Variants in ATRX observed in about 807,000 individuals in gnomAD.
ATRX encodes the protein ATRX chromatin remodeler, also known as chromatin remodeler ATRX.
ATRX carries 12 observed loss-of-function variants against 172.6 expected under a neutral mutation model. That is an observed-to-expected ratio of 0.07 (90% CI 0.04 to 0.11). ATRX has a LOEUF of 0.11. Ranked by LOEUF, ATRX falls within the 10% of genes least tolerant of loss-of-function variation. The pLI, the probability that ATRX is intolerant of heterozygous loss-of-function variation, is 1.00. For synonymous variants in ATRX, 674 were observed against 594.7 expected, an observed-to-expected ratio of 1.13 and a Z score of -1.94; for missense variants, 1,368 against 1,767.4, an observed-to-expected ratio of 0.77 and a Z score of 4.05.
chrX:77,739,364 C>A (rs868969475), intron 1 of ATRX, among the ~76,000 whole-genome samples: 2 of 108,373 alleles, frequency 1.8e-5, no homozygotes, highest in Middle Eastern at 4.8e-3. Flanking sequence ...TATATATAAT[C>A]AGATATATAT....
chrX:77,688,140 T>A (rs190392058), intron 7 of ATRX, among the ~76,000 whole-genome samples: 7 of 110,444 alleles, frequency 6.3e-5, no homozygotes, highest in Admixed American at 5.8e-4. Flanking sequence ...GGTTTCACCA[T>A]GTTAGCCAGG....
chrX:77,733,628 G>A (rs1024894786), intron 1 of ATRX, among the ~76,000 whole-genome samples: 3 of 104,631 alleles, frequency 2.9e-5, no homozygotes, highest in Non-Finnish European at 5.8e-5. Flanking sequence ...CAGAACTTTG[G>A]AAGGCTAAAG....
intron 30 of ATRX, among the ~76,000 whole-genome samples, chrX:77,544,426 T>G (rs1299860368): frequency 9.0e-6 from 1 of 111,398 alleles, no homozygotes; most frequent in Non-Finnish European, 1.9e-5. Flanking sequence ...TCTTTTTTTT[T>G]ATTATTATAC....
chrX:77,738,633 G>A (rs1470576990), intron 1 of ATRX, among the ~76,000 whole-genome samples: 5 of 93,729 alleles, frequency 5.3e-5, no homozygotes, highest in African/African-American at 2.1e-4. Flanking sequence ...GCACAATCTC[G>A]TCTCACTGCA....
intron 30 of ATRX, among the ~76,000 whole-genome samples, chrX:77,533,560 T>C (rs782681020): frequency 3.6e-5 from 4 of 111,244 alleles, no homozygotes; most frequent in African/African-American, 1.3e-4. Flanking sequence ...TGTTCTCACT[T>C]ATAAAGTGGG....
intron 6 of ATRX, chrX:77,690,968 T>C (rs1430004336): frequency 1.8e-5 from 2 of 112,201 alleles, no homozygotes; most frequent in African/African-American, 6.5e-5. Flanking sequence ...AATAACTTCC[T>C]ATGTGGGAAA....
At chrX:77,615,050 AT>A (rs782645965) in intron 22 of ATRX, among the ~76,000 whole-genome samples, 88 of 111,376 alleles carry the variant, frequency 7.9e-4, no homozygotes, top group Non-Finnish European at 1.4e-3. Context: ...CTAGGCTGAA[AT>A]CCAGTGGCAC....
intron 15 of ATRX, 122 bp downstream of exon 15, chrX:77,651,992 C>A: frequency 2.9e-6 from 2 of 698,734 alleles, no homozygotes; most frequent in Admixed American, 2.5e-5. Context: ...CGCCTGTAAT[C>A]CCAGAAGTTT....
intron 19 of ATRX, among the ~76,000 whole-genome samples, chrX:77,632,336 C>T (rs1193140196): frequency 9.0e-6 from 1 of 110,933 alleles, no homozygotes; most frequent in Non-Finnish European, 1.9e-5. Flanking sequence ...TGGAAAAAAT[C>T]TGCTACAATG....
At chrX:77,586,859 G>A (rs2066046222) in intron 27 of ATRX, among the ~76,000 whole-genome samples, 1 of 110,897 alleles carries the variant, frequency 9.0e-6, no homozygotes, top group Non-Finnish European at 1.9e-5. Context: ...AGGAGTTCAA[G>A]ACCCAGCCAA....
At chrX:77,632,748 T>C (rs2068168551) in intron 19 of ATRX, among the ~76,000 whole-genome samples, 1 of 112,207 alleles carries the variant, frequency 8.9e-6, no homozygotes, top group South Asian at 3.7e-4. Context: ...ATCAGATTAC[T>C]ATCACATAAG....
At chrX:77,538,071 T>A (rs1353502007) in intron 30 of ATRX, among the ~76,000 whole-genome samples, 1 of 110,283 alleles carries the variant, frequency 9.1e-6, no homozygotes, top group African/African-American at 3.3e-5. Context: ...TCAGGAAGAA[T>A]AGCTAATAGA....
rs2148604697 is a variant in ATRX at position 77,683,068 on chromosome X, C to G, written c.2188G>C (p.Asp730His). ...KQSETVDQNS[D>H]SDEMLAILKE... ...AGGATTGCTAGCATTTCATCAGAAT[C>G]TGAATTTTGATCCACAGTCTCTGAT... Residue 730 changes from aspartate (D) to histidine (H), a missense_variant, in exon 9 of 35, where the codon GAT becomes CAT. This residue lies in a region of ATRX where 843 missense variants were observed against 643.1 expected (regional missense o/e 1.31). Coordinates refer to ENST00000373344, the MANE Select transcript of ATRX (RefSeq NM_000489.6). 1 of 1,210,514 alleles carries G rather than the reference C, an allele frequency of 8.3e-7. No homozygotes were observed. Among genetic ancestry groups the G allele is most frequent in the East Asian group, 3.0e-5 (1 of 33,836 alleles).
intron 15 of ATRX, among the ~76,000 whole-genome samples, chrX:77,638,388 G>A (rs1177036851): frequency 8.9e-6 from 1 of 112,861 alleles, no homozygotes; most frequent in African/African-American, 3.2e-5. Flanking sequence ...CAGGAGAATC[G>A]CTTGAACCTG....
At chrX:77,510,970 G>A (rs1472750576) in intron 34 of ATRX, among the ~76,000 whole-genome samples, 2 of 112,792 alleles carry the variant, frequency 1.8e-5, no homozygotes, top group African/African-American at 6.4e-5. Context: ...AGTAGTTACT[G>A]TGGATCTTGG....
intron 1 of ATRX, among the ~76,000 whole-genome samples, chrX:77,734,482 C>T (rs1406527132): frequency 2.7e-5 from 3 of 111,425 alleles, no homozygotes; most frequent in African/African-American, 9.8e-5. Flanking sequence ...TATCCATATA[C>T]GGAAGAATGA....
At chrX:77,560,311 C>A (rs896914569) in intron 28 of ATRX, among the ~76,000 whole-genome samples, 2 of 111,417 alleles carry the variant, frequency 1.8e-5, no homozygotes, top group Non-Finnish European at 3.8e-5. Context: ...GAAACAACCT[C>A]CATTCAAATC....
intron 10 of ATRX, among the ~76,000 whole-genome samples, chrX:77,665,469 A>T (rs1557125665): frequency 5.4e-5 from 6 of 111,381 alleles, no homozygotes; most frequent in African/African-American, 3.3e-5. Flanking sequence ...GGGTTACTTT[A>T]AAAAAAATAG....
At chrX:77,610,070 T>C (rs900096494) in intron 22 of ATRX, among the ~76,000 whole-genome samples, 1 of 112,034 alleles carries the variant, frequency 8.9e-6, no homozygotes, top group Admixed American at 9.5e-5. Context: ...ATGCATTGCA[T>C]GGCTGCATTA....
Sources: gnomAD v4.1 joint callset for allele counts (sites outside exome capture counted in the v4.1 genomes callset) on GRCh38, gnomAD v4.1.1 for gene constraint, gnomAD v4.1.1 regional missense constraint, MANE v1.5 for transcripts, NCBI Gene and HGNC (gene_info 2026-07-23, HGNC 2026-07-21) for gene names.